Variants in PARD3B observed in about 807,000 individuals in gnomAD.
PARD3B encodes the protein partitioning defective 3 homolog B.
Under a neutral mutation model 130.2 loss-of-function variants are expected in PARD3B, and 103 were observed. The ratio of observed to expected loss-of-function variants is 0.79; its 90% CI spans 0.67 to 0.93. The LOEUF (loss-of-function observed/expected upper bound fraction) is 0.93. Among genes scored for constraint, PARD3B ranks in the 40% least tolerant of loss-of-function variants. The pLI is 0.00. For synonymous variants in PARD3B, 583 were observed against 553.2 expected (o/e 1.05, Z -0.76); for missense variants, 1,609 against 1,499.2 (o/e 1.07, Z -1.21).
chr2:205,448,493 T>G (rs1032073441), intron 20 of PARD3B, among the ~76,000 whole-genome samples: 8 of 152,232 alleles, frequency 5.3e-5, no homozygotes, highest in African/African-American at 1.9e-4. Context: ...TTTTAAAATG[T>G]GGGATAGTCT....
At chr2:205,149,670 G>A (rs1226832380) in intron 10 of PARD3B, among the ~76,000 whole-genome samples, 2 of 152,116 alleles carry the variant, frequency 1.3e-5, no homozygotes, top group African/African-American at 4.8e-5. Flanking sequence ...AGTAAAAACT[G>A]CCACCCCTTC....
intron 5 of PARD3B, among the ~76,000 whole-genome samples, chr2:205,109,946 G>A (rs1196366740): frequency 1.3e-5 from 2 of 152,022 alleles, no homozygotes; most frequent in Non-Finnish European, 2.9e-5. Context: ...GAGCCAACGC[G>A]CCTGGCCAGG....
rs907810698 is a variant in PARD3B at position 205,619,175 on chromosome 2, T to C, written c.*3362T>C. The C allele has an allele frequency of 6.6e-6, 1 of 152,194 alleles. No individual in the cohort carries two copies. The highest frequency in any genetic ancestry group is 2.4e-5 in the African/African-American group (1 of 41,434). 9.4% of individuals were successfully genotyped at this position (152,194 alleles called of 1,614,324 possible). A position where few individuals can be genotyped will look rare whatever the true frequency, so the allele number is the denominator to read the frequency against. ...TCATAAAATTCTTGAGCTAAAGTGATCTTCTGAAGAAAAGCCACCTAACAA... is the reference window on the plus strand; with the variant it reads ...TCATAAAATTCTTGAGCTAAAGTGACCTTCTGAAGAAAAGCCACCTAACAA... On this transcript the variant is annotated 3_prime_UTR_variant, in exon 23 of 23. Coordinates refer to ENST00000406610, the MANE Select transcript of PARD3B (RefSeq NM_001302769.2).
chr2:205,172,345 G>A lies in PARD3B; in HGVS notation c.1755G>A (p.Gln585=), dbSNP rs1203199077. The change falls in exon 12 of 23, where the codon CAG becomes CAA. Residue 585 remains glutamine, a synonymous_variant. Coordinates refer to ENST00000406610, the MANE Select transcript of PARD3B (RefSeq NM_001302769.2). ...AGGGAAACATCCGAGGGATGATCCA[G>A]TTGGTGATTCTGAGGAGGCCAGAGA... ...SMEGNIRGMI[Q]LVILRRPERP... is the part of the protein sequence containing the mutation. 3.1e-6 allele frequency: 5 copies of A among 1,614,114 alleles called. No homozygotes were observed. The highest frequency in any genetic ancestry group is 4.2e-6 in the Non-Finnish European group (5 of 1,179,992).
rs1449534162 is a variant in PARD3B, at chr2:205,276,951, A to C, written c.2186-23579A>C. Among the ~76,000 whole-genome samples the C allele has an allele frequency of 6.6e-6, 1 of 152,164 alleles. No homozygotes were observed. Among genetic ancestry groups the C allele is most frequent in the African/African-American group, 2.4e-5 (1 of 41,436 alleles). The stretch of plus-strand genomic sequence containing the variant: ...TGGGGTGAGAGAATTTGTGTGGAAC[A>C]CCTAGCTCCATTTCTGGCACCTAGG... On this transcript the variant is annotated intron_variant, in intron 16 of 22. Coordinates refer to ENST00000406610, the MANE Select transcript of PARD3B (RefSeq NM_001302769.2). This position sits in a 1 kb window ranked among gnomAD's most constrained non-coding sequence, Gnocchi z 5.0.
At chr2:205,343,415 G>A (rs2080416) in intron 18 of PARD3B, among the ~76,000 whole-genome samples, 90,386 of 152,016 alleles carry the variant, frequency 0.59, 30,567 homozygotes, top group South Asian at 0.77. Context: ...TGGTCCTGAT[G>A]TGATTGATTT....
intron 2 of PARD3B, among the ~76,000 whole-genome samples, chr2:204,727,055 C>T (rs2039266553): frequency 6.6e-6 from 1 of 152,162 alleles, no homozygotes; most frequent in Admixed American, 6.6e-5. Context: ...CATTGAAACT[C>T]TTTGAACAGT....
chr2:205,489,410 G>A (rs543331409), intron 20 of PARD3B, among the ~76,000 whole-genome samples: 8 of 151,502 alleles, frequency 5.3e-5, no homozygotes, highest in African/African-American at 1.5e-4. Context: ...TCAGGAGTTC[G>A]AGGTTACAAT....
intron 3 of PARD3B, among the ~76,000 whole-genome samples, chr2:205,038,111 G>C (rs113528329): frequency 2.0e-5 from 3 of 152,072 alleles, no homozygotes; most frequent in African/African-American, 7.2e-5. Flanking sequence ...GGTGATGGCA[G>C]GTGGTCTGTT....
chr2:205,335,229 A>G (rs1239105498), intron 18 of PARD3B, among the ~76,000 whole-genome samples: 2 of 152,322 alleles, frequency 1.3e-5, no homozygotes, highest in Non-Finnish European at 2.9e-5. Context: ...AAATAAGTCA[A>G]TTCCAAACAG....
intron 20 of PARD3B, among the ~76,000 whole-genome samples, chr2:205,477,197 C>A: frequency 6.6e-6 from 1 of 152,154 alleles, no homozygotes; most frequent in East Asian, 1.9e-4. Context: ...ATGGAATATT[C>A]TTCTGGTTAT....
intron 2 of PARD3B, among the ~76,000 whole-genome samples, chr2:204,834,095 A>G (rs928506480): frequency 6.6e-6 from 1 of 152,052 alleles, no homozygotes; most frequent in African/African-American, 2.4e-5. Context: ...TTTTTTAGGA[A>G]CTACCTTGGC....
chr2:205,061,450 A>G (rs960357387), intron 4 of PARD3B, among the ~76,000 whole-genome samples: 19 of 152,138 alleles, frequency 1.2e-4, no homozygotes, highest in Admixed American at 9.8e-4. Flanking sequence ...CTATAAAGTA[A>G]TGATAATAAA....
chr2:205,203,149 C>G (rs2037082000), intron 15 of PARD3B, among the ~76,000 whole-genome samples: 1 of 152,110 alleles, frequency 6.6e-6, no homozygotes, highest in Admixed American at 6.6e-5. Context: ...TTTAGAAAAC[C>G]TTAACCAATG....
At chr2:205,220,459 T>C (rs916782265) in intron 15 of PARD3B, among the ~76,000 whole-genome samples, 5 of 152,168 alleles carry the variant, frequency 3.3e-5, no homozygotes, top group Non-Finnish European at 7.4e-5. Flanking sequence ...TGGGCTACTG[T>C]TAGGTGCCTC....
intron 2 of PARD3B, among the ~76,000 whole-genome samples, chr2:204,817,041 C>A (rs2125536385): frequency 6.6e-6 from 1 of 152,196 alleles, no homozygotes; most frequent in South Asian, 2.1e-4. Context: ...TTTCATCCAA[C>A]ACATTGTAGT....
In PARD3B at chr2:205,460,610, G is replaced by T. The variant is rs529870160; in HGVS notation, c.3044+19938G>T. Among the ~76,000 whole-genome samples, 1 of 152,178 alleles carries T rather than the reference G, an allele frequency of 6.6e-6. No individual in the cohort carries two copies. Among genetic ancestry groups the T allele is most frequent in the African/African-American group, 2.4e-5 (1 of 41,528 alleles). On this transcript the variant is annotated intron_variant, in intron 20 of 22. Transcript: ENST00000406610. The surrounding 1 kb of genome is among the most constrained non-coding windows in gnomAD (Gnocchi z 4.9). ...AGTTTGAAGCTGGGCATAAATCCTA[G>T]GTATAAATCCTAACTCCACAGCTGC... is the stretch of plus-strand genomic sequence containing the variant.
chr2:205,307,302 T>C (rs1391272535), intron 18 of PARD3B, among the ~76,000 whole-genome samples: 1 of 152,262 alleles, frequency 6.6e-6, no homozygotes, highest in Non-Finnish European at 1.5e-5. Flanking sequence ...AATATCTTTA[T>C]ACATGTTGTC....
intron 16 of PARD3B, among the ~76,000 whole-genome samples, chr2:205,282,441 G>A (rs1574588585): frequency 6.7e-6 from 1 of 149,776 alleles, no homozygotes; most frequent in South Asian, 2.1e-4. Flanking sequence ...CTCCTCTTCA[G>A]GTATTCCAGT....
Sources: gnomAD v4.1 joint callset for allele counts (sites outside exome capture counted in the v4.1 genomes callset) on GRCh38, gnomAD v4.1.1 for gene constraint, Gnocchi (gnomAD v3.1) non-coding constraint, MANE v1.5 for transcripts, NCBI Gene and HGNC (gene_info 2026-07-23, HGNC 2026-07-21) for gene names.